Variants in PHKG2 observed in about 807,000 individuals in gnomAD.
The protein encoded by PHKG2 is phosphorylase kinase catalytic subunit gamma 2.
In PHKG2, 28 loss-of-function variants were observed where a neutral mutation model predicts 44.5. That is an observed-to-expected ratio of 0.63 (90% CI 0.47 to 0.86). PHKG2 has a LOEUF of 0.86. Ranked by LOEUF, PHKG2 falls within the 40% of genes least tolerant of loss-of-function variation. The probability of loss-of-function intolerance (pLI) is 0.00; values close to 1 mark genes in which losing one functional copy is unlikely to be tolerated. For missense variants in PHKG2, 498 were observed against 547.5 expected, an observed-to-expected ratio of 0.91 and a Z score of 0.90; for synonymous variants, 220 against 211.2, an observed-to-expected ratio of 1.04 and a Z score of -0.36.
At position 30,760,018 on chromosome 16, in the gene PHKG2, A is replaced by G. The variant is rs557578179; in HGVS notation, c.*2921A>G. 6.1e-6 allele frequency: 9 copies of G among 1,483,006 alleles called. No individual in the cohort carries two copies. In the African/African-American group the frequency reaches 1.3e-4, roughly 21 times the overall value. The allele number at this position is 1,483,006 out of a possible 1,614,324, so 91.9% of individuals were successfully genotyped here. On this transcript the variant is annotated 3_prime_UTR_variant, in exon 10 of 10. Transcript: ENST00000563588. ...TAAACATTCTGAAGCAAGAGCTATT[A>G]AACATTCTAAAGCAGGTGTTATTGT...
Position 30,751,553 on chromosome 16 carries a change from C to A in PHKG2, c.276C>A (p.Thr92=), listed in dbSNP as rs1473201317. 6.2e-7 allele frequency: 1 copy of A among 1,613,172 alleles called. No individual in the cohort carries two copies. Among genetic ancestry groups the A allele is most frequent in the Non-Finnish European group, 8.5e-7 (1 of 1,179,194 alleles). The change falls in exon 4 of 10, where the codon ACC becomes ACA. Residue 92 remains threonine (T), a synonymous_variant. Coordinates refer to ENST00000563588, the MANE Select transcript of PHKG2 (RefSeq NM_000294.3). ...CCTCTCTTCCTCTCTCCCTAGTCAC[C>A]CTCATCGATTCCTACGAGTCTTCTA... The part of the protein sequence containing the change: ...RQVAGHPHII[T]LIDSYESSSF...
At chr16:30,750,547 C>G (rs1033451822) in intron 2 of PHKG2, among the ~76,000 whole-genome samples, 2 of 152,198 alleles carry the variant, frequency 1.3e-5, no homozygotes, top group Non-Finnish European at 2.9e-5. Context: ...CCTTCAACAT[C>G]CCTTCAGGAT....
chr16:30,756,192 G>A lies in PHKG2; in HGVS notation c.567G>A (p.Gly189=). 1 of 1,613,860 alleles carries A rather than the reference G, an allele frequency of 6.2e-7. No individual in the cohort carries two copies. Among genetic ancestry groups the A allele is most frequent in the Admixed American group, 1.7e-5 (1 of 60,026 alleles). The change falls in exon 7 of 10, where the codon GGG becomes GGA. Residue 189 remains glycine, a synonymous_variant. Coordinates refer to ENST00000563588, the MANE Select transcript of PHKG2 (RefSeq NM_000294.3). ...GTCCTCTCTCCCCAGAGTTGTGTGG[G>A]ACCCCAGGGTATCTAGCGCCAGAGA... is the stretch of plus-strand genomic sequence containing the variant. ...EPGEKLRELC[G]TPGYLAPEIL...
intron 4 of PHKG2, chr16:30,752,871 T>TAA (rs2053369872): frequency 2.8e-6 from 1 of 353,810 alleles, no homozygotes; most frequent in Non-Finnish European, 5.3e-6. Context: ...CAAAATAAGG[T>TAA]CCTATTCAAC....
chr16:30,757,663 G>T lies in PHKG2; in HGVS notation c.*566G>T. 6.2e-7 allele frequency: 1 copy of T among 1,607,002 alleles called. No individual in the cohort carries two copies. Among genetic ancestry groups the T allele is most frequent in the South Asian group, 1.1e-5 (1 of 90,478 alleles). On this transcript the variant is annotated 3_prime_UTR_variant, in exon 10 of 10. Coordinates refer to ENST00000563588, the MANE Select transcript of PHKG2 (RefSeq NM_000294.3). ...GAGGACGTGGATGTGGCCTGCAGGG[G>T]CAGGGAAGAAGGGGCAGGGTGAGGA... is the stretch of plus-strand genomic sequence containing the variant.
In PHKG2 at chr16:30,757,945, A is replaced by G; in HGVS notation, c.*848A>G. 2 of 556,542 alleles carry G rather than the reference A, an allele frequency of 3.6e-6. No homozygotes were observed. The highest frequency in any genetic ancestry group is 5.5e-6 in the Non-Finnish European group (2 of 363,576). 34.5% of individuals were successfully genotyped at this position (556,542 alleles called of 1,614,324 possible). A position where few individuals can be genotyped will look rare whatever the true frequency, so the allele number is the denominator to read the frequency against. ...CAGTTTCCTTGTATGAAATGTGGAT[A>G]GTGATACCTAGCACATAGGATTGAG... On this transcript the variant is annotated 3_prime_UTR_variant, in exon 10 of 10. Coordinates refer to ENST00000563588, the MANE Select transcript of PHKG2 (RefSeq NM_000294.3).
chr16:30,753,697 C>T (rs2053381511), intron 6 of PHKG2, 140 bp downstream of exon 6: 4 of 802,774 alleles, frequency 5.0e-6, no homozygotes, highest in East Asian at 2.6e-5. Flanking sequence ...ATCCTGTGGG[C>T]GCAAAGCCTA....
At position 30,758,500 on chromosome 16, in the gene PHKG2, G is replaced by C; in HGVS notation, c.*1403G>C. 5.3e-6 allele frequency: 1 copy of C among 188,046 alleles called. No homozygotes were observed. The highest frequency in any genetic ancestry group is 1.1e-5 in the Non-Finnish European group (1 of 89,106). 11.6% of individuals were successfully genotyped at this position (188,046 alleles called of 1,614,324 possible). ...CCCATCATATAGGTTTTAAGCCACC[G>C]TCATTGGCTTTCTAATGATCATTTC... On this transcript the variant is annotated 3_prime_UTR_variant, in exon 10 of 10. Coordinates refer to ENST00000563588, the MANE Select transcript of PHKG2 (RefSeq NM_000294.3).
Position 30,756,463 on chromosome 16 carries a change from C to T in PHKG2, c.744C>T (p.Gly248=). Residue 248 remains glycine, a synonymous_variant, in exon 8 of 10, where the codon GGC becomes GGT. Coordinates refer to ENST00000563588, the MANE Select transcript of PHKG2 (RefSeq NM_000294.3). ...TGATGTTACGCATGATCATGGAGGG[C>T]CAGTACCAGTTCAGTTCCCCCGAGT... ...QILMLRMIME[G]QYQFSSPEWD... 6.2e-7 allele frequency: 1 copy of T among 1,613,736 alleles called. No homozygotes were observed. The highest frequency in any genetic ancestry group is 8.5e-7 in the Non-Finnish European group (1 of 1,180,010).
At position 30,753,227 on chromosome 16, in the gene PHKG2, C is replaced by T. The variant is rs1187351188; in HGVS notation, c.327-5C>T. Reference sequence around the variant, plus strand: ...AGCTGCCTCCTATGCCCCTCCTTCCCTTAGGATGCGGAAGGGAGAGCTGTT... The same window carrying T: ...AGCTGCCTCCTATGCCCCTCCTTCCTTTAGGATGCGGAAGGGAGAGCTGTT... On this transcript the variant is annotated splice_region_variant and splice_polypyrimidine_tract_variant and intron_variant, in intron 4 of 9. Coordinates refer to ENST00000563588, the MANE Select transcript of PHKG2 (RefSeq NM_000294.3). 6.2e-7 allele frequency: 1 copy of T among 1,613,150 alleles called. No homozygotes were observed. The highest frequency in any genetic ancestry group is 8.5e-7 in the Non-Finnish European group (1 of 1,179,154).
intron 2 of PHKG2, among the ~76,000 whole-genome samples, chr16:30,750,829 G>T (rs769646714): frequency 6.6e-6 from 1 of 152,228 alleles, no homozygotes; most frequent in Non-Finnish European, 1.5e-5. Flanking sequence ...CTCAGTGTGG[G>T]AAGGACTTGC....
intron 2 of PHKG2, among the ~76,000 whole-genome samples, chr16:30,749,193 GTGC>G (rs1481527518): frequency 6.0e-5 from 6 of 100,814 alleles, no homozygotes; most frequent in South Asian, 6.5e-4. Flanking sequence ...GCTGGTGGTG[GTGC>G]TGGTGGTGGT....
chr16:30,757,368 GGTGTCCT>G lies in PHKG2; in HGVS notation c.*277_*283del. On this transcript the variant is annotated 3_prime_UTR_variant, in exon 10 of 10. Coordinates refer to ENST00000563588, the MANE Select transcript of PHKG2 (RefSeq NM_000294.3). ...AATCTGCTACACGCCAGGGAGAACA[GGTGTCCT>G]GTGTCTGTCTGGCTTGGGCAGGAAA... The G allele has an allele frequency of 6.5e-7, 1 of 1,540,090 alleles. No individual in the cohort carries two copies.
intron 2 of PHKG2, 80 bp from the exon 3 acceptor site, chr16:30,751,026 C>A: frequency 7.0e-7 from 1 of 1,422,474 alleles, no homozygotes; most frequent in Non-Finnish European, 9.8e-7. Flanking sequence ...GCACAGCGGG[C>A]ATGAGGATGC....
rs1478443830 is a variant in PHKG2, at chr16:30,759,986, CAGCTATTAAACATTCTGAAGCAAG to C, written c.*2906_*2929del. ...GAATAAACCAAGAAATAGATCATTT[CAGCTATTAAACATTCTGAAGCAAG>C]AGCTATTAAACATTCTAAAGCAGGT... is the stretch of plus-strand genomic sequence containing the variant. On this transcript the variant is annotated 3_prime_UTR_variant, in exon 10 of 10. Coordinates refer to ENST00000563588, the MANE Select transcript of PHKG2 (RefSeq NM_000294.3). 1.9e-5 allele frequency: 27 copies of C among 1,457,604 alleles called. No individual in the cohort carries two copies. The highest frequency in any genetic ancestry group is 2.3e-5 in the Non-Finnish European group (26 of 1,111,704). The allele number at this position is 1,457,604 out of a possible 1,614,324, so 90.3% of individuals were successfully genotyped here.
Position 30,759,653 on chromosome 16 carries a change from C to G in PHKG2, c.*2556C>G, listed in dbSNP as rs749891103. ...TTCCAGAATGTTCCAGGGGAACTGA[C>G]CCTGACTCCATGGCAAAAAAGGACA... On this transcript the variant is annotated 3_prime_UTR_variant, in exon 10 of 10. Transcript: ENST00000563588. 3.1e-6 allele frequency: 5 copies of G among 1,614,038 alleles called. No homozygotes were observed. Among genetic ancestry groups the G allele is most frequent in the Non-Finnish European group, 3.4e-6 (4 of 1,180,036 alleles).
intron 2 of PHKG2, among the ~76,000 whole-genome samples, chr16:30,749,416 C>T (rs186615446): frequency 6.6e-6 from 1 of 152,262 alleles, no homozygotes; most frequent in Non-Finnish European, 1.5e-5. Context: ...GGCGCGATCT[C>T]GGCTCACTAC....
chr16:30,755,587 AAT>A (rs2053408403), intron 6 of PHKG2, among the ~76,000 whole-genome samples: 1 of 152,068 alleles, frequency 6.6e-6, no homozygotes, highest in African/African-American at 2.4e-5. Flanking sequence ...GAGGCAGGAG[AAT>A]CGCTTGAACC....
Position 30,760,974 on chromosome 16 carries a change from C to T in PHKG2, c.*3877C>T. ...CCCTCTGTACAATACTCCTTAGCGGCCATGAGACTCCATTTACATTCTGTC... is the reference window on the plus strand; with the variant it reads ...CCCTCTGTACAATACTCCTTAGCGGTCATGAGACTCCATTTACATTCTGTC... On this transcript the variant is annotated 3_prime_UTR_variant, in exon 10 of 10. Coordinates refer to ENST00000563588, the MANE Select transcript of PHKG2 (RefSeq NM_000294.3). The T allele has an allele frequency of 4.9e-6, 3 of 615,052 alleles. No individual in the cohort carries two copies. The South Asian group carries it at 6.0e-5, about 12-fold the overall frequency. The allele number at this position is 615,052 out of a possible 1,614,324, so 38.1% of individuals were successfully genotyped here.
Sources: allele counts gnomAD v4.1 joint callset (sites outside exome capture counted in the v4.1 genomes callset), GRCh38; gene constraint gnomAD v4.1.1; transcripts MANE v1.5; gene names NCBI Gene and HGNC (gene_info 2026-07-23, HGNC 2026-07-21).